Variants in HEMK2 observed in about 807,000 individuals in gnomAD.
HEMK2 encodes HemK methyltransferase 2, ETF1 glutamine and histone H4 lysine.
chr21:28,609,764 A>G, the HEMK2 span, among the ~76,000 whole-genome samples: 1 of 152,168 alleles, frequency 6.6e-6, no homozygotes, highest in African/African-American at 2.4e-5. Context: ...AGAAATGTAA[A>G]ATGCACTGGA....
At chr21:28,753,210 A>G in the HEMK2 span, among the ~76,000 whole-genome samples, 1 of 152,118 alleles carries the variant, frequency 6.6e-6, no homozygotes, top group Admixed American at 6.5e-5. Flanking sequence ...TAACAAAATT[A>G]GCCAGGCATG....
chr21:28,715,095 T>C, the HEMK2 span, among the ~76,000 whole-genome samples: 1 of 152,210 alleles, frequency 6.6e-6, no homozygotes, highest in African/African-American at 2.4e-5. Flanking sequence ...AGTGCTGTGA[T>C]AAACATATAA....
chr21:28,863,438 A>T, the HEMK2 span, among the ~76,000 whole-genome samples: 327 of 80,526 alleles, frequency 4.1e-3, 14 homozygotes, highest in Middle Eastern at 0.024. Flanking sequence ...ATATATATAT[A>T]TATATATATA....
At chr21:28,771,012 C>A in the HEMK2 span, among the ~76,000 whole-genome samples, 1 of 152,128 alleles carries the variant, frequency 6.6e-6, no homozygotes, top group Non-Finnish European at 1.5e-5. Context: ...TTAAAACACA[C>A]ACACACACGC....
the HEMK2 span, among the ~76,000 whole-genome samples, chr21:28,684,987 G>C: frequency 2.0e-5 from 3 of 152,322 alleles, no homozygotes; most frequent in African/African-American, 7.2e-5. Context: ...AATGAGTTCT[G>C]CATGAACCGA....
the HEMK2 span, among the ~76,000 whole-genome samples, chr21:28,656,604 C>T: frequency 6.6e-6 from 1 of 152,028 alleles, no homozygotes; most frequent in Non-Finnish European, 1.5e-5. Flanking sequence ...ACTACTAAAA[C>T]CATCTTTAAT....
At chr21:28,766,247 T>A in the HEMK2 span, among the ~76,000 whole-genome samples, 1 of 151,938 alleles carries the variant, frequency 6.6e-6, no homozygotes, top group Admixed American at 6.6e-5. Flanking sequence ...GGCACATGTA[T>A]ACCCATGTAA....
the HEMK2 span, among the ~76,000 whole-genome samples, chr21:28,606,955 C>T: frequency 1.3e-5 from 2 of 152,114 alleles, no homozygotes; most frequent in Admixed American, 1.3e-4. Context: ...GAAAGTATGA[C>T]ATATTTATTG....
At chr21:28,787,163 T>C in the HEMK2 span, among the ~76,000 whole-genome samples, 1 of 152,168 alleles carries the variant, frequency 6.6e-6, no homozygotes, top group East Asian at 1.9e-4. Flanking sequence ...TAGCCACATG[T>C]AGGAGAATGA....
the HEMK2 span, among the ~76,000 whole-genome samples, chr21:28,747,043 C>T: frequency 6.6e-6 from 1 of 152,198 alleles, no homozygotes; most frequent in East Asian, 1.9e-4. Context: ...AATATAGAGG[C>T]TCAAGAGACA....
chr21:28,804,465 T>A, the HEMK2 span, among the ~76,000 whole-genome samples: 4 of 152,204 alleles, frequency 2.6e-5, no homozygotes, highest in Admixed American at 2.6e-4. Flanking sequence ...CCGGGCACAG[T>A]GGCTCACGCC....
At chr21:28,810,335 T>C in the HEMK2 span, among the ~76,000 whole-genome samples, 1 of 152,054 alleles carries the variant, frequency 6.6e-6, no homozygotes, top group South Asian at 2.1e-4. Context: ...TACAAAACTG[T>C]TAAAAAGACT....
chr21:28,642,969 C>T, the HEMK2 span, among the ~76,000 whole-genome samples: 1 of 152,138 alleles, frequency 6.6e-6, no homozygotes, highest in African/African-American at 2.4e-5. Context: ...CGCTTAGGGT[C>T]GCAGTTCCAG....
At chr21:28,771,521 C>CCCCT in the HEMK2 span, among the ~76,000 whole-genome samples, 3 of 131,474 alleles carry the variant, frequency 2.3e-5, no homozygotes, top group African/African-American at 8.7e-5. Flanking sequence ...ATGCACCACC[C>CCCCT]CCCCCCGCCA....
the HEMK2 span, among the ~76,000 whole-genome samples, chr21:28,822,616 C>T: frequency 6.6e-6 from 1 of 151,928 alleles, no homozygotes; most frequent in South Asian, 2.1e-4. Context: ...CCTGAGCCCT[C>T]GTAATTGTTA....
At chr21:28,831,535 GA>G in the HEMK2 span, among the ~76,000 whole-genome samples, 12 of 73,622 alleles carry the variant, frequency 1.6e-4, no homozygotes, top group African/African-American at 1.7e-4. Context: ...AGGAAAGAAG[GA>G]AAGAAGGAAA....
chr21:28,827,282 A>G, the HEMK2 span, among the ~76,000 whole-genome samples: 4 of 152,170 alleles, frequency 2.6e-5, 1 homozygote, highest in African/African-American at 9.7e-5. Context: ...GATGAGAGAG[A>G]ATTTTCCCCA....
chr21:28,826,482 T>C, the HEMK2 span, among the ~76,000 whole-genome samples: 1 of 152,156 alleles, frequency 6.6e-6, no homozygotes, highest in Non-Finnish European at 1.5e-5. Context: ...GCCAGAGTTA[T>C]TTCAAATCTC....
chr21:28,592,082 G>T, the HEMK2 span, among the ~76,000 whole-genome samples: 1 of 152,136 alleles, frequency 6.6e-6, no homozygotes, highest in Non-Finnish European at 1.5e-5. Context: ...AGGATCGCTG[G>T]GTTGAACGGT....
Sources: allele counts gnomAD v4.1 joint callset (sites outside exome capture counted in the v4.1 genomes callset), GRCh38; gene constraint gnomAD v4.1.1; transcripts MANE v1.5; gene names NCBI Gene and HGNC (gene_info 2026-07-23, HGNC 2026-07-21).